Variants in ATG2B observed in about 807,000 individuals in gnomAD.
ATG2B encodes the protein autophagy related 2B.
ATG2B carries 121 observed loss-of-function variants against 241.3 expected under a neutral mutation model. That is an observed-to-expected ratio of 0.50 (90% CI 0.43 to 0.58). ATG2B has a LOEUF of 0.58. Among genes scored for constraint, ATG2B ranks in the 20% least tolerant of loss-of-function variants. The pLI is 0.00. For missense variants in ATG2B, 2,306 were observed against 2,491.6 expected (o/e 0.93, Z 1.59); for synonymous variants, 858 against 876.6 (o/e 0.98, Z 0.37).
rs1035776693 is a variant in ATG2B at position 96,339,982 on chromosome 14, A to C, written c.924+1540T>G. Among the ~76,000 whole-genome samples, 14 of 150,810 alleles carry C rather than the reference A, an allele frequency of 9.3e-5. 1 individual carries two copies. Among genetic ancestry groups the C allele is most frequent in the Admixed American group, 8.7e-4 (13 of 14,888 alleles). On this transcript the variant is annotated intron_variant, in intron 6 of 41. Coordinates refer to ENST00000359933, the MANE Select transcript of ATG2B (RefSeq NM_018036.7). ...TATATACCCACAAGAAAGGAAAGCA[A>C]TATACCAAAGAGATAGCTGCACTGC...
In ATG2B at chr14:96,290,533, C is replaced by A. The variant is rs751967764; in HGVS notation, c.5759G>T (p.Arg1920Leu). The change falls in exon 40 of 42, where the codon CGC becomes CTC. Residue 1920 changes from arginine (R) to leucine (L), a missense_variant. Arg to Leu is a moderately radical substitution (Grantham distance 102). Coordinates refer to ENST00000359933, the MANE Select transcript of ATG2B (RefSeq NM_018036.7). This position sits in a 1 kb window ranked among gnomAD's most constrained non-coding sequence, Gnocchi z 4.4. ...LPIEQYRKDG[R>L]IVRGFQRGAA... Reference sequence around the variant, plus strand: ...GCCTCTCTGAAACCCTCTGACAATGCGGCCATCCTTCCGGTACTGCTCTAT... The same window carrying A: ...GCCTCTCTGAAACCCTCTGACAATGAGGCCATCCTTCCGGTACTGCTCTAT... The A allele has an allele frequency of 1.6e-5, 26 of 1,614,074 alleles. No homozygotes were observed. Among genetic ancestry groups the A allele is most frequent in the Non-Finnish European group, 2.2e-5 (26 of 1,180,042 alleles).
chr14:96,332,443 A>G, intron 9 of ATG2B, 33 bp from the exon 10 acceptor site: 1 of 1,612,208 alleles, frequency 6.2e-7, no homozygotes, highest in Non-Finnish European at 8.5e-7. Flanking sequence ...ACATGAATGA[A>G]GTGTAGAATT....
At chr14:96,317,444 A>G (rs1887345545) in intron 19 of ATG2B, 127 bp from the exon 20 acceptor site, 2 of 843,136 alleles carry the variant, frequency 2.4e-6, no homozygotes, top group Non-Finnish European at 3.6e-6. Context: ...ACAGAAATAC[A>G]TACTGTTTTT....
chr14:96,347,071 A>C, intron 2 of ATG2B, 108 bp downstream of exon 2: 1 of 1,025,108 alleles, frequency 9.8e-7, no homozygotes, highest in Non-Finnish European at 1.3e-6. Flanking sequence ...TTATCAACTG[A>C]AAATTTCACA....
intron 6 of ATG2B, among the ~76,000 whole-genome samples, chr14:96,338,410 T>A (rs1361310416): frequency 1.3e-5 from 2 of 152,162 alleles, no homozygotes; most frequent in Non-Finnish European, 2.9e-5. Flanking sequence ...CAGTATGATG[T>A]TGGTTGTAAG....
At chr14:96,294,222 AC>A (rs1886567331) in intron 36 of ATG2B, among the ~76,000 whole-genome samples, 1 of 152,230 alleles carries the variant, frequency 6.6e-6, no homozygotes, top group African/African-American at 2.4e-5. Flanking sequence ...GAAATCAGCA[AC>A]CCGGGACATA....
intron 29 of ATG2B, 80 bp downstream of exon 29, chr14:96,309,373 C>CT (rs1887087165): frequency 6.7e-7 from 1 of 1,493,362 alleles, no homozygotes; most frequent in African/African-American, 1.4e-5. Context: ...TAATAAGTGA[C>CT]TTATTAAATT....
In ATG2B at chr14:96,343,116, T is replaced by A. The variant is rs758992097; in HGVS notation, c.744+3A>T. 6.5e-7 allele frequency: 1 copy of A among 1,537,806 alleles called. No individual in the cohort carries two copies. The highest frequency in any genetic ancestry group is 8.7e-7 in the Non-Finnish European group (1 of 1,143,006). On this transcript the variant is annotated splice_donor_region_variant and intron_variant, in intron 5 of 41. Coordinates refer to ENST00000359933, the MANE Select transcript of ATG2B (RefSeq NM_018036.7). Reference sequence around the variant, plus strand: ...TGGTTTTAGGGTTTTTGTTTTTTCTTACCACTGGTGCAGTTGAACACACTG... The same window carrying A: ...TGGTTTTAGGGTTTTTGTTTTTTCTAACCACTGGTGCAGTTGAACACACTG...
At chr14:96,307,046 A>G (rs893716489) in intron 29 of ATG2B, 130 bp from the exon 30 acceptor site, 44 of 814,006 alleles carry the variant, frequency 5.4e-5, no homozygotes, top group Middle Eastern at 7.3e-4. Flanking sequence ...AAATAAGTCT[A>G]TGAATCTGAG....
Position 96,328,402 on chromosome 14 carries a change from G to A in ATG2B, c.2108C>T (p.Thr703Ile), listed in dbSNP as rs1312431276. The A allele has an allele frequency of 4.3e-6, 7 of 1,613,500 alleles. No homozygotes were observed. The highest frequency in any genetic ancestry group is 2.2e-5 in the East Asian group (1 of 44,826). The change falls in exon 14 of 42, where the codon ACA (threonine) becomes ATA (isoleucine). Residue 703 changes from threonine (T) to isoleucine (I), a missense_variant. Transcript: ENST00000359933. ...CATGTGGGATGCCATCATCTCTACT[G>A]TGGCAAGTTTCTGTGGTTGAAGCAA... The part of the protein sequence containing the change: ...NSLLQPQKLA[T>I]VEMMASHMYT...
rs563377828 is a variant in ATG2B at position 96,357,802 on chromosome 14, T to G, written c.162+5013A>C. ...TATTAAGTATTTCCACAACTAAAAG[T>G]TTGAAACTTTTGTACCATATTGTTA... On this transcript the variant is annotated intron_variant, in intron 1 of 41. Coordinates refer to ENST00000359933, the MANE Select transcript of ATG2B (RefSeq NM_018036.7). 8.5e-5 allele frequency among the ~76,000 whole-genome samples: 13 copies of G among 152,268 alleles called. No homozygotes were observed. The South Asian group carries it at 1.7e-3, about 19-fold the overall frequency.
intron 11 of ATG2B, 71 bp from the exon 12 acceptor site, chr14:96,329,705 G>A: frequency 2.0e-6 from 2 of 994,998 alleles, no homozygotes; most frequent in Non-Finnish European, 1.5e-6. Flanking sequence ...AGTCTGACAA[G>A]TTCAAGTTAT....
chr14:96,335,813 G>A (rs1156867467), intron 6 of ATG2B, among the ~76,000 whole-genome samples: 1 of 152,156 alleles, frequency 6.6e-6, no homozygotes, highest in Non-Finnish European at 1.5e-5. Flanking sequence ...TTGTTGTACT[G>A]AAAGCACAAT....
chr14:96,354,210 G>T, intron 1 of ATG2B, among the ~76,000 whole-genome samples: 1 of 152,152 alleles, frequency 6.6e-6, no homozygotes, highest in Non-Finnish European at 1.5e-5. Context: ...GTCCCATGGT[G>T]GTTTGCTGCA....
rs753967492 is a variant in ATG2B, at chr14:96,344,664, G to A, written c.571C>T (p.Arg191Ter). The A allele has an allele frequency of 1.3e-6, 2 of 1,590,446 alleles. No homozygotes were observed. Among genetic ancestry groups the A allele is most frequent in the Non-Finnish European group, 1.7e-6 (2 of 1,163,996 alleles). ...NSKTGTALEIRIERTVYCDET... is the reference protein window; with the variant it reads ...NSKTGTALEI ...CATAAGAATTCTTACCTTTCTATTCGAATTTCAAGTGCAGTTCCAGTTTTG... is the reference window on the plus strand; with the variant it reads ...CATAAGAATTCTTACCTTTCTATTCAAATTTCAAGTGCAGTTCCAGTTTTG... The change falls in exon 4 of 42, where the codon CGA becomes TGA. Residue 191 changes from arginine to a stop codon, truncating the protein, a stop_gained. Coordinates refer to ENST00000359933, the MANE Select transcript of ATG2B (RefSeq NM_018036.7). LOFTEE classifies it high-confidence loss of function.
At position 96,280,734 on chromosome 14, in the gene ATG2B, T is replaced by G. The variant is rs542277309; in HGVS notation, c.*5021A>C. ...CGTCTCTACTAAAAAAACAAAAAAT[T>G]TGTGGGGCGTGGTGGCAGGTGCCTG... is the stretch of plus-strand genomic sequence containing the variant. On this transcript the variant is annotated 3_prime_UTR_variant, in exon 42 of 42. Coordinates refer to ENST00000359933, the MANE Select transcript of ATG2B (RefSeq NM_018036.7). The G allele has an allele frequency of 2.3e-4, 35 of 151,928 alleles. No homozygotes were observed. Among genetic ancestry groups the G allele is most frequent in the Admixed American group, 1.9e-3 (29 of 15,258 alleles). 9.4% of individuals were successfully genotyped at this position (151,928 alleles called of 1,614,324 possible).
chr14:96,309,919 T>C (rs965697307), intron 28 of ATG2B, among the ~76,000 whole-genome samples: 2 of 152,148 alleles, frequency 1.3e-5, no homozygotes, highest in African/African-American at 4.8e-5. Flanking sequence ...ATAAGTTTGA[T>C]CTCCTCAACT....
At chr14:96,302,890 A>C (rs948934070) in intron 33 of ATG2B, among the ~76,000 whole-genome samples, 171 bp downstream of exon 33, 2 of 152,238 alleles carry the variant, frequency 1.3e-5, no homozygotes, top group African/African-American at 4.8e-5. Context: ...AGTGACATGC[A>C]AAATAATTTT....
intron 34 of ATG2B, among the ~76,000 whole-genome samples, chr14:96,297,391 TTTTTG>T (rs780525140): frequency 1.1e-4 from 17 of 152,074 alleles, no homozygotes; most frequent in South Asian, 4.1e-4. Flanking sequence ...TCACCAGCTT[TTTTTG>T]TTTTGTTTTG....
Sources: gnomAD v4.1 joint callset for allele counts (sites outside exome capture counted in the v4.1 genomes callset) on GRCh38, gnomAD v4.1.1 for gene constraint, Gnocchi (gnomAD v3.1) non-coding constraint, MANE v1.5 for transcripts, NCBI Gene and HGNC (gene_info 2026-07-23, HGNC 2026-07-21) for gene names.